Variants in MSL1 observed in about 807,000 individuals in gnomAD.
MSL1 encodes the protein male-specific lethal 1 homolog.
In MSL1, 21 loss-of-function variants were observed where a neutral mutation model predicts 64.6. The observed-to-expected ratio is 0.33, with a 90% CI of 0.23 to 0.47. The LOEUF (loss-of-function observed/expected upper bound fraction) is 0.47, where lower values mean the gene tolerates loss of function less well. MSL1 is among the 20% of genes least tolerant of loss of function. MSL1 has a pLI of 1.00. For synonymous variants in MSL1, 339 were observed against 329.6 expected (o/e 1.03, Z -0.31); for missense variants, 664 against 793.2 (o/e 0.84, Z 1.96).
chr17:40,129,234 C>T lies in MSL1; in HGVS notation c.993-11C>T. On this transcript the variant is annotated splice_polypyrimidine_tract_variant and intron_variant, in intron 2 of 8. Coordinates refer to ENST00000398532, the MANE Select transcript of MSL1 (RefSeq NM_001365919.1). ...AATAAATTTTATAATGTTTTCTTCC[C>T]TATCTAATAGGAAATCCCCATTTGG... The T allele has an allele frequency of 6.6e-7, 1 of 1,519,856 alleles. No individual in the cohort carries two copies. The highest frequency in any genetic ancestry group is 2.3e-5 in the Admixed American group (1 of 42,768). 94.1% of individuals were successfully genotyped at this position (1,519,856 alleles called of 1,614,324 possible).
chr17:40,127,453 C>T (rs552074061), intron 2 of MSL1, among the ~76,000 whole-genome samples: 4 of 151,846 alleles, frequency 2.6e-5, no homozygotes, highest in South Asian at 4.1e-4. Context: ...CAGTAAAATA[C>T]GTAGATGTAC....
rs1988228814 is a variant in MSL1, at chr17:40,123,131, A to G, written c.519A>G (p.Pro173=). Residue 173 remains proline, a synonymous_variant, in exon 1 of 9, where the codon CCA becomes CCG. Coordinates refer to ENST00000398532, the MANE Select transcript of MSL1 (RefSeq NM_001365919.1). ...AATASDPAGP[P]PLPLPGPPPL... ...CCGCCTCGGACCCGGCGGGACCCCC[A>G]CCACTACCTCTGCCCGGGCCGCCAC... 8 of 1,532,042 alleles carry G rather than the reference A, an allele frequency of 5.2e-6. No individual in the cohort carries two copies. Among genetic ancestry groups the G allele is most frequent in the South Asian group, 1.2e-5 (1 of 83,866 alleles). 94.9% of individuals were successfully genotyped at this position (1,532,042 alleles called of 1,614,324 possible).
Position 40,123,031 on chromosome 17 carries a change from G to T in MSL1, c.419G>T (p.Gly140Val), listed in dbSNP as rs1156491390. ...KYQAVLPIQTGSLVAAAKEPT... is the reference protein window; with the variant it reads ...KYQAVLPIQTVSLVAAAKEPT... ...CAGGCGGTGCTGCCCATTCAGACGG[G>T]CTCTCTCGTGGCGGCGGCCAAAGAG... Residue 140 changes from glycine (G) to valine (V), a missense_variant, in exon 1 of 9, where the codon GGC (glycine) becomes GTC (valine). Gly to Val is a moderately radical substitution (Grantham distance 109). Transcript: ENST00000398532. The T allele has an allele frequency of 2.0e-6, 3 of 1,532,300 alleles. No homozygotes were observed. The highest frequency in any genetic ancestry group is 2.6e-6 in the Non-Finnish European group (3 of 1,145,558). The allele number at this position is 1,532,300 out of a possible 1,614,324, so 94.9% of individuals were successfully genotyped here. A position where few individuals can be genotyped will look rare whatever the true frequency, so the allele number is the denominator to read the frequency against.
At position 40,131,781 on chromosome 17, in the gene MSL1, T is replaced by C. The variant is rs1289847711; in HGVS notation, c.1423+197T>C. 1 of 641,312 alleles carries C rather than the reference T, an allele frequency of 1.6e-6. No homozygotes were observed. The highest frequency in any genetic ancestry group is 2.8e-6 in the Non-Finnish European group (1 of 359,240). The allele number at this position is 641,312 out of a possible 1,614,324, so 39.7% of individuals were successfully genotyped here. On this transcript the variant is annotated intron_variant, in intron 4 of 8. Coordinates refer to ENST00000398532, the MANE Select transcript of MSL1 (RefSeq NM_001365919.1). This position sits in a 1 kb window ranked among gnomAD's most constrained non-coding sequence, Gnocchi z 4.5. ...CAGGAACTGCTATAGCATCATTATA[T>C]GAATTGTCAGGTATTGGTTTAGGGT...
chr17:40,124,765 G>A (rs1988276132), intron 1 of MSL1: 1 of 152,246 alleles, frequency 6.6e-6, no homozygotes, highest in African/African-American at 2.4e-5. Flanking sequence ...TGGTGGTTAA[G>A]GGCTGTGAAT....
chr17:40,125,151 C>G (rs1365753830), intron 1 of MSL1, among the ~76,000 whole-genome samples: 2 of 152,174 alleles, frequency 1.3e-5, no homozygotes, highest in Non-Finnish European at 2.9e-5. Flanking sequence ...GTTTTCAATA[C>G]TAATAGAGTT....
Position 40,123,261 on chromosome 17 carries a change from A to G in MSL1, c.649A>G (p.Ser217Gly). Residue 217 changes from serine (S) to glycine (G), a missense_variant, in exon 1 of 9, where the codon AGT becomes GGT. Around this residue, in one of 4 missense-constraint regions of MSL1, gnomAD observed 466 missense variants for 499.0 expected, o/e 0.93. Coordinates refer to ENST00000398532, the MANE Select transcript of MSL1 (RefSeq NM_001365919.1). ...GGGTGGTGGCGGCTCGGGAGCCTCC[A>G]GTCAGGCCGCCTGCCTCAAACAGAT... ...LGGGGGSGASSQAACLKQILL... is the reference protein window; with the variant it reads ...LGGGGGSGASGQAACLKQILL... 1 of 1,535,766 alleles carries G rather than the reference A, an allele frequency of 6.5e-7. No individual in the cohort carries two copies. Among genetic ancestry groups the G allele is most frequent in the Non-Finnish European group, 8.7e-7 (1 of 1,146,854 alleles).
chr17:40,125,669 G>A (rs917462647), intron 1 of MSL1, among the ~76,000 whole-genome samples: 2 of 152,190 alleles, frequency 1.3e-5, no homozygotes, highest in African/African-American at 2.4e-5. Context: ...AAATTACCCG[G>A]TGTGGTGGCG....
intron 1 of MSL1, among the ~76,000 whole-genome samples, chr17:40,125,029 T>C (rs941594542): frequency 1.3e-5 from 2 of 152,216 alleles, no homozygotes; most frequent in Non-Finnish European, 2.9e-5. Flanking sequence ...CTGAAATCTA[T>C]GCAATGAATG....
chr17:40,130,612 C>T (rs1362105694), intron 3 of MSL1, among the ~76,000 whole-genome samples: 2 of 152,136 alleles, frequency 1.3e-5, no homozygotes, highest in African/African-American at 4.8e-5. Flanking sequence ...AGAGCGTTCT[C>T]CAGGCTTTGT....
intron 6 of MSL1, 152 bp downstream of exon 6, chr17:40,133,261 A>T: frequency 1.3e-6 from 1 of 785,062 alleles, no homozygotes; most frequent in Non-Finnish European, 2.0e-6. Context: ...TGAATATCTT[A>T]GTTGGAAATG....
chr17:40,126,607 G>C, intron 2 of MSL1: 3 of 560,726 alleles, frequency 5.4e-6, no homozygotes, highest in Non-Finnish European at 9.5e-6. Flanking sequence ...AAGAGATAGA[G>C]ACCATCCTGG....
chr17:40,129,186 A>G, intron 2 of MSL1, 59 bp from the exon 3 acceptor site: 2 of 1,388,334 alleles, frequency 1.4e-6, no homozygotes, highest in South Asian at 1.5e-5. Context: ...GAATGTGTTC[A>G]AATTAGATTT....
intron 8 of MSL1, 74 bp downstream of exon 8, chr17:40,133,973 T>G (rs775805285): frequency 1.3e-5 from 18 of 1,384,646 alleles, no homozygotes; most frequent in Non-Finnish European, 1.7e-5. Flanking sequence ...AGCCTAGATA[T>G]GAGGTGGAAC....
chr17:40,130,198 T>TA (rs1988412185), intron 3 of MSL1: 2 of 152,286 alleles, frequency 1.3e-5, no homozygotes, highest in African/African-American at 4.8e-5. Context: ...TACTTTATCT[T>TA]ACTATACTTC....
In MSL1 at chr17:40,134,600, G is replaced by A. The variant is rs890212588; in HGVS notation, c.*231G>A. ...ATTTCTTTTCCCTTTTTTGGGAAAT[G>A]GGCTCTCAAGCTAAAGCTATAGGAT... On this transcript the variant is annotated 3_prime_UTR_variant, in exon 9 of 9. Transcript: ENST00000398532. The A allele has an allele frequency of 7.7e-6, 4 of 516,588 alleles. No individual in the cohort carries two copies. Among genetic ancestry groups the A allele is most frequent in the African/African-American group, 3.9e-5 (2 of 51,918 alleles). The allele number at this position is 516,588 out of a possible 1,614,324, so 32.0% of individuals were successfully genotyped here.
Position 40,122,469 on chromosome 17 carries a change from A to AGCCGCGCTAGCGGAGGCCTGCT in MSL1, c.-135_-114dup, listed in dbSNP as rs1680299001. 3 of 516,680 alleles carry AGCCGCGCTAGCGGAGGCCTGCT rather than the reference A, an allele frequency of 5.8e-6. No homozygotes were observed. Among genetic ancestry groups the AGCCGCGCTAGCGGAGGCCTGCT allele is most frequent in the Middle Eastern group, 1.1e-3 (2 of 1,816 alleles). 32.0% of individuals were successfully genotyped at this position (516,680 alleles called of 1,614,324 possible). A position where few individuals can be genotyped will look rare whatever the true frequency, so the allele number is the denominator to read the frequency against. On this transcript the variant is annotated 5_prime_UTR_variant, in exon 1 of 9. It introduces an in-frame stop codon into an upstream open reading frame of the 5' UTR. Transcript: ENST00000398532. The surrounding 1 kb of genome is among the most constrained non-coding windows in gnomAD (Gnocchi z 4.2). ...CGGGATGGCGCCCGGGCCCCGGAGG[A>AGCCGCGCTAGCGGAGGCCTGCT]GCCGCGCTAGCGGAGGCCTGCTGCC...
At position 40,131,597 on chromosome 17, in the gene MSL1, G is replaced by A; in HGVS notation, c.1423+13G>A. The A allele has an allele frequency of 6.2e-7, 1 of 1,613,548 alleles. No homozygotes were observed. Among genetic ancestry groups the A allele is most frequent in the South Asian group, 1.1e-5 (1 of 91,080 alleles). ...TCAGTCTTGGCTGGTGAGTAGAATA[G>A]GAATTGTGCTGGCTGGGCCTGGGGT... is the stretch of plus-strand genomic sequence containing the variant. On this transcript the variant is annotated intron_variant, in intron 4 of 8. Transcript: ENST00000398532. This position sits in a 1 kb window ranked among gnomAD's most constrained non-coding sequence, Gnocchi z 4.5.
intron 8 of MSL1, 126 bp from the exon 9 acceptor site, chr17:40,134,153 A>C (rs1001001211): frequency 2.5e-6 from 2 of 796,924 alleles, no homozygotes; most frequent in Non-Finnish European, 4.2e-6. Flanking sequence ...TGAGGCAGGA[A>C]AGACACTCCA....
Sources: gnomAD v4.1 joint callset for allele counts (sites outside exome capture counted in the v4.1 genomes callset) on GRCh38, gnomAD v4.1.1 for gene constraint, gnomAD v4.1.1 regional missense constraint, Gnocchi (gnomAD v3.1) non-coding constraint, MANE v1.5 for transcripts, NCBI Gene and HGNC (gene_info 2026-07-23, HGNC 2026-07-21) for gene names.